The following PCNX2 variants were observed in gnomAD, a reference collection of about 807,000 sequenced individuals.
PCNX2 encodes pecanex-like protein 2.
PCNX2 carries 168 observed loss-of-function variants against 223.8 expected under a neutral mutation model. The observed-to-expected ratio is 0.75, with a 90% CI of 0.66 to 0.85. The LOEUF (loss-of-function observed/expected upper bound fraction) is 0.85, where lower values mean the gene tolerates loss of function less well. Among genes scored for constraint, PCNX2 ranks in the 40% least tolerant of loss-of-function variants. The probability of loss-of-function intolerance (pLI) is 0.00; values close to 1 mark genes in which losing one functional copy is unlikely to be tolerated. For missense variants in PCNX2, 2,507 were observed against 2,675.5 expected (o/e 0.94, Z 1.39); for synonymous variants, 1,006 against 1,052.6 (o/e 0.96, Z 0.86).
chr1:233,035,607 A>G (rs1444388419), intron 25 of PCNX2, among the ~76,000 whole-genome samples: 1 of 152,224 alleles, frequency 6.6e-6, no homozygotes, highest in Admixed American at 6.5e-5. Context: ...CAAAGTGGAC[A>G]TTCTTAGACA....
chr1:233,025,345 T>A lies in PCNX2; in HGVS notation c.4406A>T (p.Asp1469Val). The A allele has an allele frequency of 1.2e-6, 2 of 1,614,004 alleles. No homozygotes were observed. The highest frequency in any genetic ancestry group is 1.7e-6 in the Non-Finnish European group (2 of 1,179,884). The stretch of plus-strand genomic sequence containing the variant: ...TGGTTTGCAGCAGCAGCAGCCTCTG[T>A]CCTCCTCGTCGCCCTCCATGATGGC... ...VEAIMEGDEE[D>V]RGCCCCKPGH... Residue 1469 changes from aspartate to valine, a missense_variant, in exon 26 of 34, where the codon GAC (aspartate) becomes GTC (valine). Asp to Val is a radical substitution (Grantham distance 152). Around this residue, in one of 3 missense-constraint regions of PCNX2, gnomAD observed 1,372 missense variants for 1,509.4 expected, o/e 0.91. Coordinates refer to ENST00000258229, the MANE Select transcript of PCNX2 (RefSeq NM_014801.4).
intron 19 of PCNX2, among the ~76,000 whole-genome samples, chr1:233,143,634 C>T (rs947334464): frequency 6.6e-6 from 1 of 152,302 alleles, no homozygotes; most frequent in East Asian, 1.9e-4. Context: ...GTTTGAGAAC[C>T]ATTTTCTGGA....
intron 17 of PCNX2, among the ~76,000 whole-genome samples, chr1:233,175,161 G>C (rs12032688): frequency 0.066 from 9,695 of 147,926 alleles, 535 homozygotes; most frequent in East Asian, 0.3. Context: ...CAGAGACAAT[G>C]GGAGGGGGGT....
At chr1:233,036,908 T>C (rs1671475117) in intron 25 of PCNX2, among the ~76,000 whole-genome samples, 1 of 152,220 alleles carries the variant, frequency 6.6e-6, no homozygotes, top group Non-Finnish European at 1.5e-5. Context: ...TTCTGATGAA[T>C]AGGGCTTTCC....
chr1:233,107,606 C>T (rs770304796), intron 21 of PCNX2, among the ~76,000 whole-genome samples: 2 of 151,584 alleles, frequency 1.3e-5, no homozygotes, highest in Non-Finnish European at 2.9e-5. Flanking sequence ...CTTCAGAAGG[C>T]TTCTGGTTTC....
intron 10 of PCNX2, among the ~76,000 whole-genome samples, chr1:233,224,536 TAC>T (rs1262395612): frequency 6.6e-6 from 1 of 152,228 alleles, no homozygotes; most frequent in Non-Finnish European, 1.5e-5. Context: ...GCCTAGCTCT[TAC>T]AGTTTGTTTT....
At chr1:233,076,078 A>G (rs997179414) in intron 23 of PCNX2, among the ~76,000 whole-genome samples, 5 of 152,370 alleles carry the variant, frequency 3.3e-5, no homozygotes, top group Non-Finnish European at 5.9e-5. Flanking sequence ...AGAGGCAGAC[A>G]GTTTTAAGTG....
At chr1:233,202,080 G>T (rs1337159849) in intron 13 of PCNX2, 2 of 416,682 alleles carry the variant, frequency 4.8e-6, no homozygotes, top group African/African-American at 2.1e-5. Flanking sequence ...GGGAGGAAGA[G>T]GGAGTCCATG....
rs757953162 is a variant in PCNX2, at chr1:233,135,061, T to C, written c.3789A>G (p.Ser1263=). The C allele has an allele frequency of 3.7e-6, 6 of 1,612,220 alleles. No homozygotes were observed. In the East Asian group the frequency reaches 1.3e-4, roughly 36 times the overall value. Residue 1263 remains serine, a synonymous_variant, in exon 21 of 34, where the codon TCA becomes TCG. Transcript: ENST00000258229. ...IFFHFDYKDI[S]ESFLLDFFMV... ...TGAAGAAATCCAGTAAGAAGCTCTC[T>C]GAAATATCTTTGTAGTCAAAGTGGA... is the stretch of plus-strand genomic sequence containing the variant.
intron 1 of PCNX2, among the ~76,000 whole-genome samples, chr1:233,277,017 G>C (rs1258813654): frequency 6.6e-6 from 1 of 152,238 alleles, no homozygotes; most frequent in African/African-American, 2.4e-5. Context: ...TATTGAACTT[G>C]AGCAGTGAAG....
chr1:233,218,264 T>TTTC, intron 10 of PCNX2, 80 bp from the exon 11 acceptor site: 2 of 1,040,114 alleles, frequency 1.9e-6, no homozygotes, highest in African/African-American at 4.0e-5. Flanking sequence ...TTTTTTTTTT[T>TTTC]CTGAGATGGA....
At chr1:233,034,036 A>T (rs1406850223) in intron 25 of PCNX2, among the ~76,000 whole-genome samples, 1 of 151,600 alleles carries the variant, frequency 6.6e-6, no homozygotes, top group African/African-American at 2.4e-5. Context: ...ACATGGTGAA[A>T]CTCCATCTCT....
At chr1:233,240,582 T>C (rs565660744) in intron 8 of PCNX2, among the ~76,000 whole-genome samples, 224 of 152,328 alleles carry the variant, frequency 1.5e-3, no homozygotes, top group Non-Finnish European at 2.4e-3. Context: ...CGTTCTCTGG[T>C]GAATCTTTGG....
In PCNX2 at chr1:232,986,080, C is replaced by T. The variant is rs1363409375; in HGVS notation, c.6240+12G>A. On this transcript the variant is annotated intron_variant, in intron 33 of 33. Coordinates refer to ENST00000258229, the MANE Select transcript of PCNX2 (RefSeq NM_014801.4). ...CCCAGCCTGTCCTGGTGAGCCCTGCCCAGCCCCTTACCCGAGTGGCCTGGC... is the reference window on the plus strand; with the variant it reads ...CCCAGCCTGTCCTGGTGAGCCCTGCTCAGCCCCTTACCCGAGTGGCCTGGC... 2 of 1,554,332 alleles carry T rather than the reference C, an allele frequency of 1.3e-6. No individual in the cohort carries two copies.
chr1:233,265,171 A>G (rs1005752293), intron 1 of PCNX2, among the ~76,000 whole-genome samples: 8 of 151,700 alleles, frequency 5.3e-5, no homozygotes, highest in Admixed American at 2.0e-4. Context: ...TGAGCCTAGG[A>G]GTTCAAGTTT....
chr1:233,133,137 A>C (rs998462907), intron 21 of PCNX2, among the ~76,000 whole-genome samples: 1 of 152,004 alleles, frequency 6.6e-6, no homozygotes, highest in African/African-American at 2.4e-5. Context: ...GATCTCAAGC[A>C]ATCTGCCCAT....
chr1:233,110,890 A>G (rs772548972), intron 21 of PCNX2, among the ~76,000 whole-genome samples: 16 of 151,634 alleles, frequency 1.1e-4, no homozygotes, highest in Non-Finnish European at 2.2e-4. Flanking sequence ...AACACCACAC[A>G]TATACCTTTA....
chr1:233,177,999 C>CT, intron 16 of PCNX2, 101 bp from the exon 17 acceptor site: 1 of 788,490 alleles, frequency 1.3e-6, no homozygotes, highest in Non-Finnish European at 2.1e-6. Flanking sequence ...ATGACAAAAA[C>CT]AAGTGCTCTC....
intron 21 of PCNX2, among the ~76,000 whole-genome samples, chr1:233,116,178 T>C (rs1675397172): frequency 1.3e-5 from 2 of 152,214 alleles, no homozygotes; most frequent in South Asian, 2.1e-4. Flanking sequence ...ACAATTATGA[T>C]TGGAAACTTC....
Sources: gnomAD v4.1 joint callset for allele counts (sites outside exome capture counted in the v4.1 genomes callset) on GRCh38, gnomAD v4.1.1 for gene constraint, gnomAD v4.1.1 regional missense constraint, MANE v1.5 for transcripts, NCBI Gene and HGNC (gene_info 2026-07-23, HGNC 2026-07-21) for gene names.